The following AGK variants were observed in gnomAD, a reference collection of about 807,000 sequenced individuals.
AGK encodes acylglycerol kinase, mitochondrial.
Under a neutral mutation model 66.4 loss-of-function variants are expected in AGK, and 52 were observed. The ratio of observed to expected loss-of-function variants is 0.78; its 90% confidence interval spans 0.63 to 0.99. The LOEUF (loss-of-function observed/expected upper bound fraction) is 0.99, where lower values mean the gene tolerates loss of function less well. Among genes scored for constraint, AGK ranks in the 50% least tolerant of loss-of-function variants. The probability of loss-of-function intolerance (pLI) is 0.00; values close to 1 mark genes in which losing one functional copy is unlikely to be tolerated. For missense variants in AGK, 451 were observed against 506.6 expected (o/e 0.89, Z 1.05); for synonymous variants, 182 against 181.1 (o/e 1.00, Z -0.04).
intron 8 of AGK, among the ~76,000 whole-genome samples, chr7:141,618,589 AAAAC>A (rs1562975025): frequency 6.6e-6 from 1 of 152,192 alleles, no homozygotes; most frequent in Admixed American, 6.5e-5. Flanking sequence ...AATATAAATC[AAAAC>A]AGATAAGCCT....
chr7:141,621,708 TG>T (rs1796829174), intron 8 of AGK, 23 bp from the exon 9 acceptor site: 1 of 1,581,328 alleles, frequency 6.3e-7, no homozygotes, highest in Non-Finnish European at 8.7e-7. Flanking sequence ...TTTCATAATA[TG>T]ATCATTTCCT....
Position 141,621,731 on chromosome 7 carries a change from G to A in AGK, c.519-1G>A. 9 of 1,610,316 alleles carry A rather than the reference G, an allele frequency of 5.6e-6. No homozygotes were observed. Among genetic ancestry groups the A allele is most frequent in the Non-Finnish European group, 7.6e-6 (9 of 1,177,022 alleles). On this transcript the variant is annotated splice_acceptor_variant, in intron 8 of 15. Transcript: ENST00000649286. LOFTEE classifies it high-confidence loss of function. Reference sequence around the variant, plus strand: ...TATGATCATTTCCTTTTCTCTTTTAGACATATTACTGATGCCACACTTGCC... The same window carrying A: ...TATGATCATTTCCTTTTCTCTTTTAAACATATTACTGATGCCACACTTGCC...
intron 9 of AGK, among the ~76,000 whole-genome samples, chr7:141,622,058 G>T (rs142079632): frequency 6.6e-6 from 1 of 150,392 alleles, no homozygotes. Flanking sequence ...TCATTTTTAA[G>T]TATACAGTTC....
intron 12 of AGK, 137 bp downstream of exon 12, chr7:141,641,535 T>G: frequency 9.6e-7 from 1 of 1,043,858 alleles, no homozygotes; most frequent in Non-Finnish European, 1.4e-6. Context: ...CATCCTTCTG[T>G]GTGCCACCAG....
chr7:141,622,645 C>T lies in AGK; in HGVS notation c.588+844C>T, dbSNP rs544286293. ...ACTGCTCCACCAACCAGCCATTTCC[C>T]TACCTTTCTCTGTTCCCTGTGACAC... On this transcript the variant is annotated intron_variant, in intron 9 of 15. Transcript: ENST00000649286. Among the ~76,000 whole-genome samples, 76 of 152,316 alleles carry T rather than the reference C, an allele frequency of 5.0e-4. 1 individual carries two copies. The highest frequency in any genetic ancestry group is 1.8e-3 in the African/African-American group (73 of 41,572).
intron 2 of AGK, among the ~76,000 whole-genome samples, chr7:141,564,437 G>T (rs1438717589): frequency 6.6e-6 from 1 of 152,034 alleles, no homozygotes; most frequent in African/African-American, 2.4e-5. Context: ...AAGGAGGAAA[G>T]CCCCTTTAAA....
At chr7:141,608,357 T>A (rs1796508182) in intron 5 of AGK, among the ~76,000 whole-genome samples, 1 of 152,112 alleles carries the variant, frequency 6.6e-6, no homozygotes, top group South Asian at 2.1e-4. Context: ...AATGAGTTAG[T>A]CATGTAGATG....
intron 2 of AGK, among the ~76,000 whole-genome samples, chr7:141,574,741 A>G (rs1253407252): frequency 6.6e-6 from 1 of 152,242 alleles, no homozygotes; most frequent in Non-Finnish European, 1.5e-5. Context: ...ATTAGAAGGT[A>G]CTTGAAGTAT....
At chr7:141,553,297 G>A (rs974962117) in intron 1 of AGK, among the ~76,000 whole-genome samples, 3 of 152,124 alleles carry the variant, frequency 2.0e-5, no homozygotes, top group Non-Finnish European at 4.4e-5. Flanking sequence ...ATGGGGATAG[G>A]GCTTCCACAT....
chr7:141,569,372 G>A (rs1795546060), intron 2 of AGK, among the ~76,000 whole-genome samples: 1 of 151,984 alleles, frequency 6.6e-6, no homozygotes, highest in African/African-American at 2.4e-5. Context: ...CGTCTTTAAT[G>A]AAAATACAAA....
intron 13 of AGK, among the ~76,000 whole-genome samples, chr7:141,648,619 G>T (rs147916089): frequency 6.6e-6 from 1 of 152,186 alleles, no homozygotes; most frequent in Non-Finnish European, 1.5e-5. Flanking sequence ...GGCTAGGTTT[G>T]TATGGCTAGT....
chr7:141,642,315 A>G (rs1797308808), intron 13 of AGK, among the ~76,000 whole-genome samples: 1 of 152,212 alleles, frequency 6.6e-6, no homozygotes, highest in African/African-American at 2.4e-5. Context: ...ATACCCACAC[A>G]CATACATCTG....
chr7:141,637,369 A>C (rs1433027292), intron 11 of AGK, among the ~76,000 whole-genome samples: 1 of 152,184 alleles, frequency 6.6e-6, no homozygotes, highest in Non-Finnish European at 1.5e-5. Context: ...CTGGAAATGA[A>C]TTGAAGATTT....
At chr7:141,607,780 A>G (rs1332131609) in intron 5 of AGK, among the ~76,000 whole-genome samples, 2 of 151,870 alleles carry the variant, frequency 1.3e-5, no homozygotes, top group Non-Finnish European at 2.9e-5. Flanking sequence ...ATTTTGAGTT[A>G]GCTTTTTTGA....
rs1296354796 is a variant in AGK, at chr7:141,583,880, A to T, written c.102-9266A>T. Among the ~76,000 whole-genome samples, 3 of 151,928 alleles carry T rather than the reference A, an allele frequency of 2.0e-5. No homozygotes were observed. In the East Asian group the frequency reaches 5.8e-4, roughly 29 times the overall value. ...AGTGAGAGAGGTTGGAGAAGAGAGT[A>T]AAAAGAGGCCGCTTACCTGATTTAA... On this transcript the variant is annotated intron_variant, in intron 2 of 15. Coordinates refer to ENST00000649286, the MANE Select transcript of AGK (RefSeq NM_018238.4).
In AGK at chr7:141,596,843, T is replaced by C. The variant is rs1047281678; in HGVS notation, c.221+202T>C. The C allele has an allele frequency of 3.9e-4, 215 of 550,672 alleles. 3 individuals are homozygous for C. The highest frequency in any genetic ancestry group is 1.2e-3 in the South Asian group (45 of 38,522). 34.1% of individuals were successfully genotyped at this position (550,672 alleles called of 1,614,324 possible). ...CTAATGGATGCTTAGCAAACTTGTC[T>C]AATTGAAGTTTAATAATCATTCCAT... On this transcript the variant is annotated intron_variant, in intron 4 of 15. Coordinates refer to ENST00000649286, the MANE Select transcript of AGK (RefSeq NM_018238.4).
At chr7:141,562,984 C>T (rs1460656284) in intron 2 of AGK, among the ~76,000 whole-genome samples, 1 of 152,178 alleles carries the variant, frequency 6.6e-6, no homozygotes, top group African/African-American at 2.4e-5. Context: ...AAGGTTAAAT[C>T]CTTCTCCTAT....
At chr7:141,638,231 G>T (rs928223967) in intron 11 of AGK, among the ~76,000 whole-genome samples, 1 of 152,162 alleles carries the variant, frequency 6.6e-6, no homozygotes, top group Non-Finnish European at 1.5e-5. Context: ...AGGGAGCAGA[G>T]AGGAGGGGCA....
At chr7:141,575,453 T>C (rs984250457) in intron 2 of AGK, among the ~76,000 whole-genome samples, 3 of 152,166 alleles carry the variant, frequency 2.0e-5, no homozygotes, top group Non-Finnish European at 2.9e-5. Flanking sequence ...ACATGTGCTC[T>C]GTGTGTGTGC....
Sources: gnomAD v4.1 joint callset for allele counts (sites outside exome capture counted in the v4.1 genomes callset) on GRCh38, gnomAD v4.1.1 for gene constraint, MANE v1.5 for transcripts, NCBI Gene and HGNC (gene_info 2026-07-23, HGNC 2026-07-21) for gene names.